Variants in CTNNA2 observed in about 807,000 individuals in gnomAD.
CTNNA2 encodes catenin alpha 2.
In CTNNA2, 42 loss-of-function variants were observed where a neutral mutation model predicts 101.0. The ratio of observed to expected loss-of-function variants is 0.42; its 90% CI spans 0.32 to 0.54. CTNNA2 has a LOEUF of 0.54. Among genes scored for constraint, CTNNA2 ranks in the 20% least tolerant of loss-of-function variants. The pLI is 0.14. For synonymous variants in CTNNA2, 450 were observed against 456.4 expected (o/e 0.99, Z 0.18); for missense variants, 871 against 1,223.1 (o/e 0.71, Z 4.29).
intron 4 of CTNNA2, among the ~76,000 whole-genome samples, chr2:79,417,003 A>G (rs1272025455): frequency 6.6e-6 from 1 of 152,124 alleles, no homozygotes; most frequent in African/African-American, 2.4e-5. Flanking sequence ...TGCCACAGGT[A>G]TGGAACTCTG....
chr2:80,463,757 A>T (rs1014507456), intron 9 of CTNNA2, among the ~76,000 whole-genome samples: 1 of 152,194 alleles, frequency 6.6e-6, no homozygotes, highest in Non-Finnish European at 1.5e-5. Flanking sequence ...GCTCAGAAAG[A>T]TGGAAGAAAA....
chr2:79,768,389 C>G (rs1049669574), intron 3 of CTNNA2, among the ~76,000 whole-genome samples: 9 of 151,046 alleles, frequency 6.0e-5, no homozygotes, highest in African/African-American at 2.2e-4. Context: ...CGTGTTAAAA[C>G]CAGGTACTAT....
chr2:80,383,432 C>G (rs543948028), intron 7 of CTNNA2, among the ~76,000 whole-genome samples: 1 of 152,268 alleles, frequency 6.6e-6, no homozygotes, highest in African/African-American at 2.4e-5. Context: ...GAAAACCAGG[C>G]ACATTCTACT....
chr2:79,624,437 A>G (rs1051599636), intron 1 of CTNNA2, among the ~76,000 whole-genome samples: 6 of 152,158 alleles, frequency 3.9e-5, no homozygotes, highest in African/African-American at 1.4e-4. Flanking sequence ...AATGTTTACC[A>G]GGTGAGGGAA....
intron 4 of CTNNA2, among the ~76,000 whole-genome samples, chr2:79,452,154 A>G (rs1670762754): frequency 6.6e-6 from 1 of 152,154 alleles, no homozygotes; most frequent in Non-Finnish European, 1.5e-5. Flanking sequence ...GATATTAATA[A>G]TATGTCCCTT....
At position 79,463,301 on chromosome 2, in the gene CTNNA2, G is replaced by A. The variant is rs755347693; in HGVS notation, c.-134-41753G>A. On this transcript the variant is annotated intron_variant, in intron 4 of 21. Transcript: ENST00000466387. Reference sequence around the variant, plus strand: ...TGTGCACCTGTAATCTCAGCTACTCGGGAGGCTGAGGCAGGAGAATAGCTT... The same window carrying A: ...TGTGCACCTGTAATCTCAGCTACTCAGGAGGCTGAGGCAGGAGAATAGCTT... Among the ~76,000 whole-genome samples the A allele has an allele frequency of 4.6e-5, 7 of 151,580 alleles. No homozygotes were observed. The South Asian group carries it at 1.0e-3, about 23-fold the overall frequency.
chr2:80,445,284 C>T (rs547206186), intron 9 of CTNNA2, among the ~76,000 whole-genome samples: 5 of 152,084 alleles, frequency 3.3e-5, no homozygotes, highest in African/African-American at 1.2e-4. Flanking sequence ...CAGGCTCAAG[C>T]GATTTTCCCA....
intron 4 of CTNNA2, among the ~76,000 whole-genome samples, chr2:79,397,926 C>T (rs908869258): frequency 7.9e-5 from 12 of 152,022 alleles, no homozygotes; most frequent in African/African-American, 2.9e-4. Context: ...GTCCAGAATT[C>T]CACATCTTTT....
chr2:80,148,675 G>C (rs1416017273), intron 7 of CTNNA2, among the ~76,000 whole-genome samples: 1 of 152,190 alleles, frequency 6.6e-6, no homozygotes, highest in Non-Finnish European at 1.5e-5. Flanking sequence ...TTTCTCTGAG[G>C]CTTTGAAAGT....
In CTNNA2 at chr2:79,235,883, C is replaced by T. The variant is rs113144578; in HGVS notation, c.-406+37807C>T. Among the ~76,000 whole-genome samples the T allele has an allele frequency of 7.6e-3, 1,158 of 152,036 alleles. 7 individuals carry two copies. Among genetic ancestry groups the T allele is most frequent in the Non-Finnish European group, 0.011 (779 of 67,986 alleles). ...CTGGCTATCAGTGACAGGGATGGGT[C>T]GAGTCACCTTCCCTGCTGTCTGGAT... On this transcript the variant is annotated intron_variant, in intron 2 of 21. Transcript: ENST00000466387.
At chr2:79,381,089 C>T (rs1158992517) in intron 4 of CTNNA2, among the ~76,000 whole-genome samples, 1 of 152,070 alleles carries the variant, frequency 6.6e-6, no homozygotes, top group African/African-American at 2.4e-5. Context: ...ATTAATGTAA[C>T]AATAAACATT....
chr2:79,991,360 T>C (rs1010987662), intron 7 of CTNNA2, among the ~76,000 whole-genome samples: 2 of 149,790 alleles, frequency 1.3e-5, no homozygotes, highest in African/African-American at 2.5e-5. Context: ...CACCTCCCCC[T>C]TTTTTTTCCA....
intron 2 of CTNNA2, among the ~76,000 whole-genome samples, chr2:79,230,980 T>G (rs1404838358): frequency 5.9e-5 from 9 of 152,226 alleles, no homozygotes; most frequent in Non-Finnish European, 7.3e-5. Flanking sequence ...ACTACCATGG[T>G]ATCTAGGAAG....
At chr2:80,325,175 T>C (rs1387177980) in intron 7 of CTNNA2, among the ~76,000 whole-genome samples, 1 of 152,146 alleles carries the variant, frequency 6.6e-6, no homozygotes, top group Non-Finnish European at 1.5e-5. Context: ...GTGAGGTTTT[T>C]CAGACATTGA....
At chr2:79,675,555 G>A (rs745517349) in intron 2 of CTNNA2, among the ~76,000 whole-genome samples, 26 of 152,040 alleles carry the variant, frequency 1.7e-4, no homozygotes, top group Non-Finnish European at 3.1e-4. Flanking sequence ...TGCACAGAAC[G>A]CAGTTTTAAC....
At chr2:79,308,465 C>G (rs1428053285) in intron 2 of CTNNA2, among the ~76,000 whole-genome samples, 1 of 152,198 alleles carries the variant, frequency 6.6e-6, no homozygotes, top group Admixed American at 6.5e-5. Context: ...TCTTTTCACT[C>G]TGTGGATTGT....
intron 1 of CTNNA2, among the ~76,000 whole-genome samples, chr2:79,549,166 G>A (rs769979271): frequency 3.5e-4 from 53 of 152,016 alleles, no homozygotes; most frequent in Non-Finnish European, 7.2e-4. Context: ...TCCTTCCTCC[G>A]TTATATCATT....
At chr2:80,186,239 A>G (rs1706119459) in intron 7 of CTNNA2, among the ~76,000 whole-genome samples, 1 of 152,224 alleles carries the variant, frequency 6.6e-6, no homozygotes, top group South Asian at 2.1e-4. Flanking sequence ...ACATTGCCTT[A>G]TTGATTTTAC....
chr2:79,495,107 C>G (rs1671242547), intron 4 of CTNNA2, among the ~76,000 whole-genome samples: 1 of 151,776 alleles, frequency 6.6e-6, no homozygotes. Flanking sequence ...CGTCTCGAAA[C>G]AAAACAAAAC....
Sources: gnomAD v4.1 joint callset for allele counts (sites outside exome capture counted in the v4.1 genomes callset) on GRCh38, gnomAD v4.1.1 for gene constraint, MANE v1.5 for transcripts, NCBI Gene and HGNC (gene_info 2026-07-23, HGNC 2026-07-21) for gene names.